The following SRC variants were observed in gnomAD, a reference collection of about 807,000 sequenced individuals.
SRC encodes the protein proto-oncogene tyrosine-protein kinase Src.
Under a neutral mutation model 62.9 loss-of-function variants are expected in SRC, and 13 were observed. The ratio of observed to expected loss-of-function variants is 0.21; its 90% confidence interval spans 0.13 to 0.33. SRC has a LOEUF of 0.33. SRC is among the 10% of genes least tolerant of loss of function. The pLI is 1.00. For synonymous variants in SRC, 302 were observed against 317.5 expected (o/e 0.95, Z 0.52); for missense variants, 457 against 737.3 (o/e 0.62, Z 4.40).
chr20:37,386,211 G>T (rs2070452930), intron 5 of SRC, 37 bp downstream of exon 5: 1 of 1,587,344 alleles, frequency 6.3e-7, no homozygotes, highest in East Asian at 2.2e-5. Context: ...TCAGGGCTGG[G>T]TGGTGGGACT....
At chr20:37,400,078 G>A in intron 9 of SRC, 37 bp from the exon 10 acceptor site, 1 of 1,549,840 alleles carries the variant, frequency 6.5e-7, no homozygotes, top group Non-Finnish European at 8.7e-7. Flanking sequence ...AGGAGTTGGG[G>A]GGCTCCACTG....
chr20:37,364,865 T>C (rs1046254285), intron 1 of SRC, among the ~76,000 whole-genome samples: 3 of 152,194 alleles, frequency 2.0e-5, no homozygotes, highest in Non-Finnish European at 4.4e-5. Flanking sequence ...CTCTTGCTTG[T>C]GTAGCCCCCT....
At chr20:37,381,886 G>A (rs2070369647) in intron 2 of SRC, among the ~76,000 whole-genome samples, 2 of 152,130 alleles carry the variant, frequency 1.3e-5, no homozygotes, top group African/African-American at 4.8e-5. Flanking sequence ...TCTTCAGCAG[G>A]TCTCCCCAGG....
At chr20:37,368,537 TTTTTTTG>T in intron 2 of SRC, among the ~76,000 whole-genome samples, 3 of 125,256 alleles carry the variant, frequency 2.4e-5, no homozygotes, top group African/African-American at 3.4e-5. Flanking sequence ...TTTTTTTTTT[TTTTTTTG>T]TTTTTTTTTT....
chr20:37,376,596 C>T (rs138893196), intron 2 of SRC, among the ~76,000 whole-genome samples: 4 of 152,212 alleles, frequency 2.6e-5, no homozygotes, highest in Non-Finnish European at 5.9e-5. Flanking sequence ...CTCCACCACC[C>T]GGGTTCAAGT....
rs981150513 is a variant in SRC, at chr20:37,374,822, G to A, written c.-172-7797G>A. On this transcript the variant is annotated intron_variant, in intron 2 of 13. Coordinates refer to ENST00000373578, the MANE Select transcript of SRC (RefSeq NM_198291.3). ...ACTCCTGACCTCAGGTGATCCACCC[G>A]CCTCTGCCTCCCAAAATGTTGGGAT... Among the ~76,000 whole-genome samples, 11 of 151,624 alleles carry A rather than the reference G, an allele frequency of 7.3e-5. No individual in the cohort carries two copies. In the South Asian group the frequency reaches 8.4e-4, roughly 12 times the overall value.
Position 37,405,226 on chromosome 20 carries a change from T to G in SRC, c.*1847T>G. On this transcript the variant is annotated 3_prime_UTR_variant, in exon 14 of 14. Transcript: ENST00000373578. ...CCCTTTGTGTAAGGTGTCTTAATAC[T>G]GTCCTTTTTTTTTTTTTAACAGTGT... 4.5e-6 allele frequency: 1 copy of G among 223,072 alleles called. No individual in the cohort carries two copies. Among genetic ancestry groups the G allele is most frequent in the Non-Finnish European group, 8.8e-6 (1 of 113,612 alleles). 13.8% of individuals were successfully genotyped at this position (223,072 alleles called of 1,614,324 possible).
chr20:37,385,245 G>A (rs962602282), intron 4 of SRC, among the ~76,000 whole-genome samples: 2 of 152,158 alleles, frequency 1.3e-5, no homozygotes, highest in African/African-American at 2.4e-5. Context: ...GGTGCATCGA[G>A]AACATGAGAA....
intron 5 of SRC, among the ~76,000 whole-genome samples, chr20:37,390,737 A>C (rs557818319): frequency 6.6e-6 from 1 of 152,170 alleles, no homozygotes; most frequent in African/African-American, 2.4e-5. Flanking sequence ...GGAGGGAGAC[A>C]TGCTGACCCT....
At chr20:37,373,156 ATACACACATATATG>A (rs2070200792) in intron 2 of SRC, among the ~76,000 whole-genome samples, 1 of 139,742 alleles carries the variant, frequency 7.2e-6, no homozygotes, top group Non-Finnish European at 1.5e-5. Flanking sequence ...ATATACACAC[ATACACACATATATG>A]TACACACATA....
At chr20:37,383,107 C>T (rs1486536923) in intron 3 of SRC, among the ~76,000 whole-genome samples, 3 of 152,176 alleles carry the variant, frequency 2.0e-5, no homozygotes, top group African/African-American at 4.8e-5. Flanking sequence ...CAAAAGCCCA[C>T]GACAGTAGTC....
chr20:37,373,157 T>TATACAC (rs748855407), intron 2 of SRC, among the ~76,000 whole-genome samples: 13 of 94,784 alleles, frequency 1.4e-4, no homozygotes, highest in East Asian at 5.9e-4. Flanking sequence ...TATACACACA[T>TATACAC]ACACACATAT....
At chr20:37,375,762 AC>A (rs1208580402) in intron 2 of SRC, among the ~76,000 whole-genome samples, 1 of 152,216 alleles carries the variant, frequency 6.6e-6, no homozygotes, top group African/African-American at 2.4e-5. Flanking sequence ...GGCTGCTGTA[AC>A]AAAATACCAT....
chr20:37,395,953 G>T (rs1345993005), intron 7 of SRC, among the ~76,000 whole-genome samples: 1 of 152,224 alleles, frequency 6.6e-6, no homozygotes, highest in Non-Finnish European at 1.5e-5. Context: ...AAGGGTGCGT[G>T]GCAGGACGTA....
At chr20:37,347,346 G>A (rs796777441) in intron 1 of SRC, among the ~76,000 whole-genome samples, 1 of 152,204 alleles carries the variant, frequency 6.6e-6, no homozygotes, top group Non-Finnish European at 1.5e-5. Flanking sequence ...CTGGCTGGGG[G>A]ATCAAGGCAC....
chr20:37,399,474 A>G (rs2070706686), intron 9 of SRC, among the ~76,000 whole-genome samples: 1 of 152,148 alleles, frequency 6.6e-6, no homozygotes, highest in African/African-American at 2.4e-5. Context: ...GAACATGACT[A>G]ACCCAGAAGT....
Position 37,396,447 on chromosome 20 carries a change from TC to T in SRC, c.703+138del. The T allele has an allele frequency of 1.0e-6, 1 of 980,416 alleles. No homozygotes were observed. Among genetic ancestry groups the T allele is most frequent in the Non-Finnish European group, 1.5e-6 (1 of 681,818 alleles). The allele number at this position is 980,416 out of a possible 1,614,324, so 60.7% of individuals were successfully genotyped here. ...CCCCACTTCCCCCTCCCCCCTCCCT[TC>T]CTCTCTCCTCCCTTTTCCCTCCTTT... On this transcript the variant is annotated intron_variant, in intron 8 of 13. Transcript: ENST00000373578. This position sits in a 1 kb window ranked among gnomAD's most constrained non-coding sequence, Gnocchi z 6.1.
At chr20:37,353,042 AGGATTCTTTTTGCCTCTAAGGGAATAT>A in intron 1 of SRC, among the ~76,000 whole-genome samples, 1 of 152,194 alleles carries the variant, frequency 6.6e-6, no homozygotes, top group East Asian at 1.9e-4. Context: ...GACAAGTCAT[AGGATTCTTTTTGCCTCTAAGGGAATAT>A]GGTAATCACC....
chr20:37,364,329 C>T (rs2146951851), intron 1 of SRC, among the ~76,000 whole-genome samples: 1 of 152,286 alleles, frequency 6.6e-6, no homozygotes, highest in South Asian at 2.1e-4. Flanking sequence ...CAAATCAGAG[C>T]CCACCACAGA....
Sources: allele counts gnomAD v4.1 joint callset (sites outside exome capture counted in the v4.1 genomes callset), GRCh38; gene constraint gnomAD v4.1.1; non-coding constraint Gnocchi (gnomAD v3.1); transcripts MANE v1.5; gene names NCBI Gene and HGNC (gene_info 2026-07-23, HGNC 2026-07-21).